The following SPRED2 variants were observed in gnomAD, a reference collection of about 807,000 sequenced individuals.
SPRED2 encodes sprouty related EVH1 domain containing 2, also known as sprouty-related, EVH1 domain-containing protein 2.
A neutral mutation model predicts 43.0 loss-of-function variants in SPRED2; 47 were observed. That is an observed-to-expected ratio of 1.09 (90% CI 0.87 to 1.40). The LOEUF is 1.40. SPRED2 is among the 40% of genes most tolerant of loss of function. SPRED2 has a pLI of 0.00. For missense variants in SPRED2, 561 were observed against 586.4 expected (o/e 0.96, Z 0.45); for synonymous variants, 225 against 225.7 (o/e 1.00, Z 0.03).
At chr2:65,407,792 C>T (rs1676060957) in intron 1 of SPRED2, among the ~76,000 whole-genome samples, 1 of 152,210 alleles carries the variant, frequency 6.6e-6, no homozygotes, top group South Asian at 2.1e-4. Flanking sequence ...ATAACTCCAA[C>T]TGGAGGACAG....
At chr2:65,359,106 T>C in intron 1 of SPRED2, among the ~76,000 whole-genome samples, 1 of 152,216 alleles carries the variant, frequency 6.6e-6, no homozygotes, top group East Asian at 1.9e-4. Context: ...AGGGTCACAA[T>C]GACTGTTGGT....
intron 1 of SPRED2, among the ~76,000 whole-genome samples, chr2:65,427,816 A>G (rs1218131170): frequency 6.6e-6 from 1 of 152,160 alleles, no homozygotes; most frequent in Non-Finnish European, 1.5e-5. Context: ...GGACCACCCC[A>G]ATGGTTCATA....
chr2:65,425,216 A>T (rs1395707327), intron 1 of SPRED2, among the ~76,000 whole-genome samples: 1 of 152,254 alleles, frequency 6.6e-6, no homozygotes, highest in Non-Finnish European at 1.5e-5. Flanking sequence ...ATCAAAGAAT[A>T]AAAACAACCA....
At chr2:65,410,644 A>G (rs1676135123) in intron 1 of SPRED2, among the ~76,000 whole-genome samples, 2 of 151,616 alleles carry the variant, frequency 1.3e-5, no homozygotes, top group Admixed American at 6.6e-5. Context: ...CTGTAGTCCC[A>G]GCTACTCGGG....
chr2:65,344,896 A>C lies in SPRED2; in HGVS notation c.27T>G (p.Asp9Glu). 6.2e-7 allele frequency: 1 copy of C among 1,611,496 alleles called. No individual in the cohort carries two copies. The highest frequency in any genetic ancestry group is 8.5e-7 in the Non-Finnish European group (1 of 1,178,054). The change falls in exon 2 of 6, where the codon GAT (aspartate) becomes GAG (glutamate). Residue 9 changes from aspartate (D) to glutamate (E), a missense_variant and splice_region_variant. This residue lies in a region of SPRED2 where 305 missense variants were observed against 282.4 expected (regional missense o/e 1.08). Transcript: ENST00000356388. ...CCTTGACACGCACAATATAGCTGTC[A>C]CTAAAACGACAAGAAGAAGAAGCAC... MTEETHPD[D>E]DSYIVRVKAV...
intron 1 of SPRED2, chr2:65,380,654 T>TC (rs1370697771): frequency 6.6e-6 from 1 of 152,186 alleles, no homozygotes; most frequent in African/African-American, 2.4e-5. Flanking sequence ...CCACTTTCTC[T>TC]CTTTTTTTCT....
In SPRED2 at chr2:65,338,710, C is replaced by T. The variant is rs1227365877; in HGVS notation, c.205-3937G>A. 1.9e-3 allele frequency among the ~76,000 whole-genome samples: 281 copies of T among 151,448 alleles called. 1 individual carries two copies. Among genetic ancestry groups the T allele is most frequent in the Non-Finnish European group, 3.4e-3 (231 of 67,696 alleles). On this transcript the variant is annotated intron_variant, in intron 2 of 5. Transcript: ENST00000356388. ...AAGTGCGGAGATTGCAGCCTCTGCC[C>T]GGCCGCCACCCCGTCTGGGAAGTGA...
At chr2:65,368,548 T>G (rs1675041783) in intron 1 of SPRED2, among the ~76,000 whole-genome samples, 1 of 152,226 alleles carries the variant, frequency 6.6e-6, no homozygotes, top group African/African-American at 2.4e-5. Context: ...AAGAATTTTA[T>G]AATTCAGATT....
At chr2:65,342,396 ATATG>A (rs1301482508) in intron 2 of SPRED2, among the ~76,000 whole-genome samples, 14 of 147,730 alleles carry the variant, frequency 9.5e-5, no homozygotes, top group South Asian at 2.1e-4. Flanking sequence ...GTATATGTAT[ATATG>A]TATGTATATT....
At chr2:65,341,795 C>CCA (rs1446755373) in intron 2 of SPRED2, among the ~76,000 whole-genome samples, 1 of 151,984 alleles carries the variant, frequency 6.6e-6, no homozygotes, top group Non-Finnish European at 1.5e-5. Flanking sequence ...CTATGACAAA[C>CCA]CATAGAAATA....
At chr2:65,368,533 C>T (rs1330482105) in intron 1 of SPRED2, among the ~76,000 whole-genome samples, 2 of 152,084 alleles carry the variant, frequency 1.3e-5, no homozygotes, top group Middle Eastern at 3.2e-3. Context: ...GTTCACAGTT[C>T]ATTGAAGAAT....
At chr2:65,352,647 G>T (rs1484001200) in intron 1 of SPRED2, among the ~76,000 whole-genome samples, 1 of 152,220 alleles carries the variant, frequency 6.6e-6, no homozygotes, top group Non-Finnish European at 1.5e-5. Flanking sequence ...TTTTGAGACG[G>T]AGTTTCACCC....
chr2:65,332,640 C>T (rs1394664393), intron 3 of SPRED2, among the ~76,000 whole-genome samples: 1 of 152,226 alleles, frequency 6.6e-6, no homozygotes, highest in Non-Finnish European at 1.5e-5. Context: ...TTTCCTCTTG[C>T]AATACCAAGG....
At position 65,311,722 on chromosome 2, in the gene SPRED2, A is replaced by G. The variant is rs189590893; in HGVS notation, c.*1779T>C. On this transcript the variant is annotated 3_prime_UTR_variant, in exon 6 of 6. Coordinates refer to ENST00000356388, the MANE Select transcript of SPRED2 (RefSeq NM_181784.3). ...TGGAAAGCCTAAACCAGTTACTCCAATGAATGAAGACGTCTACTAACTGAC... is the reference window on the plus strand; with the variant it reads ...TGGAAAGCCTAAACCAGTTACTCCAGTGAATGAAGACGTCTACTAACTGAC... 2.0e-6 allele frequency: 2 copies of G among 985,480 alleles called. No individual in the cohort carries two copies. Among genetic ancestry groups the G allele is most frequent in the East Asian group, 2.3e-4 (2 of 8,826 alleles). The allele number at this position is 985,480 out of a possible 1,614,324, so 61.0% of individuals were successfully genotyped here. A position where few individuals can be genotyped will look rare whatever the true frequency, so the allele number is the denominator to read the frequency against.
intron 1 of SPRED2, among the ~76,000 whole-genome samples, chr2:65,394,184 T>A (rs1469119688): frequency 6.6e-6 from 1 of 152,182 alleles, no homozygotes; most frequent in East Asian, 1.9e-4. Flanking sequence ...AAATTCTCAT[T>A]TCCTCTCAGG....
intron 1 of SPRED2, among the ~76,000 whole-genome samples, chr2:65,393,970 C>T (rs898231844): frequency 6.6e-6 from 1 of 152,022 alleles, no homozygotes; most frequent in African/African-American, 2.4e-5. Flanking sequence ...CTGGGTTCCT[C>T]ATTTCTGAAA....
intron 2 of SPRED2, among the ~76,000 whole-genome samples, chr2:65,341,606 G>A (rs1034993052): frequency 1.3e-5 from 2 of 152,136 alleles, no homozygotes; most frequent in African/African-American, 4.8e-5. Context: ...AGAGCATTGA[G>A]TTTCCCCACT....
chr2:65,401,937 G>GCGCGCACA (rs776512353), intron 1 of SPRED2, among the ~76,000 whole-genome samples: 3,698 of 114,638 alleles, frequency 0.032, 65 homozygotes, highest in Middle Eastern at 0.059. Flanking sequence ...GCGCGCGCGC[G>GCGCGCACA]CACACACACA....
chr2:65,426,280 G>A (rs2103812837), intron 1 of SPRED2, among the ~76,000 whole-genome samples: 1 of 152,268 alleles, frequency 6.6e-6, no homozygotes, highest in South Asian at 2.1e-4. Context: ...ACATGGTTGA[G>A]TTTCTCAGGA....
Sources: gnomAD v4.1 joint callset for allele counts (sites outside exome capture counted in the v4.1 genomes callset) on GRCh38, gnomAD v4.1.1 for gene constraint, gnomAD v4.1.1 regional missense constraint, MANE v1.5 for transcripts, NCBI Gene and HGNC (gene_info 2026-07-23, HGNC 2026-07-21) for gene names.